RBFOX1: variants seen among roughly 807,000 people sequenced by gnomAD.
The protein encoded by RBFOX1 is RNA binding fox-1 homolog 1, also known as RNA binding protein fox-1 homolog 1.
Under a neutral mutation model 57.7 loss-of-function variants are expected in RBFOX1, and 8 were observed. That is an observed-to-expected ratio of 0.14 (90% CI 0.08 to 0.25). The LOEUF is 0.25. Among genes scored for constraint, RBFOX1 ranks in the 10% least tolerant of loss-of-function variants. The probability of loss-of-function intolerance (pLI) is 1.00; values close to 1 mark genes in which losing one functional copy is unlikely to be tolerated. For missense variants in RBFOX1, 611 were observed against 548.5 expected (o/e 1.11, Z -1.14); for synonymous variants, 326 against 222.4 (o/e 1.47, Z -4.15).
chr16:7,430,016 A>G (rs1162675026), intron 4 of RBFOX1, among the ~76,000 whole-genome samples: 3 of 152,184 alleles, frequency 2.0e-5, no homozygotes, highest in Non-Finnish European at 4.4e-5. Flanking sequence ...ATTTGTCATC[A>G]TAGTTTTTCC....
chr16:5,262,292 G>A (rs2062755077), intron 1 of RBFOX1, among the ~76,000 whole-genome samples: 1 of 152,166 alleles, frequency 6.6e-6, no homozygotes, highest in Admixed American at 6.5e-5. Flanking sequence ...ACGTTATTCT[G>A]GATGTATCTC....
intron 3 of RBFOX1, among the ~76,000 whole-genome samples, chr16:6,802,782 A>G (rs1317459262): frequency 6.6e-6 from 1 of 152,222 alleles, no homozygotes; most frequent in Non-Finnish European, 1.5e-5. Flanking sequence ...TTGTTAGATG[A>G]TACTCTTGAA....
At chr16:5,597,549 G>A (rs1362463638) in intron 2 of RBFOX1, among the ~76,000 whole-genome samples, 4 of 151,836 alleles carry the variant, frequency 2.6e-5, no homozygotes, top group Admixed American at 6.6e-5. Flanking sequence ...ACAGGTGCCC[G>A]CCACCACAGC....
chr16:5,876,328 T>G (rs928850904), intron 4 of RBFOX1, among the ~76,000 whole-genome samples: 1 of 149,896 alleles, frequency 6.7e-6, no homozygotes, highest in Non-Finnish European at 1.5e-5. Context: ...CATCCTATCA[T>G]TTTTTCTGTT....
intron 2 of RBFOX1, among the ~76,000 whole-genome samples, chr16:6,399,413 C>G (rs1166849099): frequency 6.6e-6 from 1 of 152,214 alleles, no homozygotes; most frequent in African/African-American, 2.4e-5. Context: ...TTCCACTGAT[C>G]TCTAGGGCAG....
At chr16:7,233,769 T>C (rs1314019675) in intron 4 of RBFOX1, among the ~76,000 whole-genome samples, 3 of 152,226 alleles carry the variant, frequency 2.0e-5, no homozygotes, top group Non-Finnish European at 4.4e-5. Context: ...ATTTATTAAA[T>C]GGCAGTTTTC....
chr16:5,406,973 A>G (rs2066885294), intron 1 of RBFOX1, among the ~76,000 whole-genome samples: 2 of 152,176 alleles, frequency 1.3e-5, no homozygotes, highest in African/African-American at 2.4e-5. Flanking sequence ...TGAGTGATGT[A>G]TTAGTCCACT....
At chr16:6,102,673 T>A (rs2096328008) in intron 1 of RBFOX1, among the ~76,000 whole-genome samples, 1 of 152,178 alleles carries the variant, frequency 6.6e-6, no homozygotes, top group African/African-American at 2.4e-5. Flanking sequence ...ATTGTTCCCT[T>A]GTGAATTTTA....
intron 1 of RBFOX1, among the ~76,000 whole-genome samples, chr16:6,184,504 G>T (rs181049733): frequency 3.9e-5 from 6 of 152,042 alleles, no homozygotes; most frequent in African/African-American, 9.7e-5. Context: ...CTTAGGTAAT[G>T]GTTTGAACGT....
chr16:7,637,827 G>C (rs1202939387), intron 11 of RBFOX1, among the ~76,000 whole-genome samples: 1 of 152,144 alleles, frequency 6.6e-6, no homozygotes. Context: ...TCACTTCAAA[G>C]ATTAAAGGGG....
chr16:6,639,595 G>T (rs528965560), intron 2 of RBFOX1, among the ~76,000 whole-genome samples: 28 of 152,192 alleles, frequency 1.8e-4, no homozygotes, highest in African/African-American at 6.5e-4. Context: ...TACAATTGTG[G>T]GCCGGGCACG....
intron 2 of RBFOX1, among the ~76,000 whole-genome samples, chr16:6,453,419 T>G (rs1354359202): frequency 1.3e-5 from 2 of 152,104 alleles, no homozygotes; most frequent in Non-Finnish European, 2.9e-5. Context: ...GCAAATAAAC[T>G]AGAAAATCTA....
intron 2 of RBFOX1, among the ~76,000 whole-genome samples, chr16:6,349,016 T>G (rs905165984): frequency 6.6e-6 from 1 of 152,176 alleles, no homozygotes; most frequent in Non-Finnish European, 1.5e-5. Flanking sequence ...ATTCCTGATT[T>G]TATCAGGATC....
intron 4 of RBFOX1, among the ~76,000 whole-genome samples, chr16:7,191,261 A>G (rs2085308647): frequency 6.6e-6 from 1 of 152,114 alleles, no homozygotes; most frequent in African/African-American, 2.4e-5. Flanking sequence ...GGGAGAAGTA[A>G]TTCCAGTCAT....
chr16:7,211,527 C>A (rs918714263), intron 4 of RBFOX1, among the ~76,000 whole-genome samples: 3 of 151,946 alleles, frequency 2.0e-5, no homozygotes, highest in African/African-American at 7.3e-5. Flanking sequence ...ATTAAAAACT[C>A]CAAGGAGTAT....
intron 3 of RBFOX1, among the ~76,000 whole-genome samples, chr16:6,759,253 C>G (rs8064062): frequency 0.023 from 3,440 of 151,898 alleles, 142 homozygotes; most frequent in African/African-American, 0.078. Context: ...TGGGTTCCAG[C>G]AGTTCTCCTG....
At chr16:5,774,524 C>G (rs1328783163) in intron 3 of RBFOX1, among the ~76,000 whole-genome samples, 1 of 152,202 alleles carries the variant, frequency 6.6e-6, no homozygotes, top group Admixed American at 6.5e-5. Flanking sequence ...GGTTATGCAG[C>G]TTCCTTCCAC....
intron 4 of RBFOX1, among the ~76,000 whole-genome samples, chr16:7,158,735 G>C (rs2077664817): frequency 6.6e-6 from 1 of 151,888 alleles, no homozygotes; most frequent in Non-Finnish European, 1.5e-5. Context: ...TGTTTGGTGT[G>C]TGTTGTTTCT....
intron 4 of RBFOX1, among the ~76,000 whole-genome samples, chr16:5,943,388 G>T (rs1043033331): frequency 6.6e-6 from 1 of 152,136 alleles, no homozygotes; most frequent in Non-Finnish European, 1.5e-5. Context: ...GGGTTTCCCT[G>T]GGTCCACATA....
Sources: gnomAD v4.1 joint callset for allele counts (sites outside exome capture counted in the v4.1 genomes callset) on GRCh38, gnomAD v4.1.1 for gene constraint, MANE v1.5 for transcripts, NCBI Gene and HGNC (gene_info 2026-07-23, HGNC 2026-07-21) for gene names.